The following MED25 variants were observed in gnomAD, a reference collection of about 807,000 sequenced individuals.
MED25 encodes mediator complex subunit 25.
A neutral mutation model predicts 89.4 loss-of-function variants in MED25; 62 were observed. That is an observed-to-expected ratio of 0.69 (90% CI 0.57 to 0.86). The LOEUF (loss-of-function observed/expected upper bound fraction) is 0.86. Among genes scored for constraint, MED25 ranks in the 40% least tolerant of loss-of-function variants. The pLI is 0.00. For missense variants in MED25, 905 were observed against 1,005.2 expected, an observed-to-expected ratio of 0.90 and a Z score of 1.35; for synonymous variants, 449 against 427.9, an observed-to-expected ratio of 1.05 and a Z score of -0.61.
Position 49,834,893 on chromosome 19 carries a change from C to G in MED25, c.1483-93C>G. 1.5e-6 allele frequency: 2 copies of G among 1,318,268 alleles called. No individual in the cohort carries two copies. Among genetic ancestry groups the G allele is most frequent in the South Asian group, 2.4e-5 (2 of 84,986 alleles). The allele number at this position is 1,318,268 out of a possible 1,614,324, so 81.7% of individuals were successfully genotyped here. On this transcript the variant is annotated intron_variant, in intron 13 of 17. Transcript: ENST00000312865. This position sits in a 1 kb window ranked among gnomAD's most constrained non-coding sequence, Gnocchi z 4.1. ...TAGCAGAAACCTCACCTCACCTTGC[C>G]TGTGGGGCCTCTAGAGCCTTCTGGA...
chr19:49,818,922 C>T, intron 2 of MED25: 1 of 540,208 alleles, frequency 1.9e-6, no homozygotes, highest in Non-Finnish European at 3.3e-6. Flanking sequence ...GAGCTGAGGC[C>T]TGGATTCCTG....
intron 3 of MED25, among the ~76,000 whole-genome samples, chr19:49,823,276 T>C (rs1258513592): frequency 6.6e-6 from 1 of 152,218 alleles, no homozygotes; most frequent in Admixed American, 6.5e-5. Flanking sequence ...TCTGCCATAC[T>C]GCATTTGGTG....
In MED25 at chr19:49,834,887, C is replaced by A; in HGVS notation, c.1483-99C>A. ...CTTCTATAGCAGAAACCTCACCTCA[C>A]CTTGCCTGTGGGGCCTCTAGAGCCT... On this transcript the variant is annotated intron_variant, in intron 13 of 17. Coordinates refer to ENST00000312865, the MANE Select transcript of MED25 (RefSeq NM_030973.4). The surrounding 1 kb of genome is among the most constrained non-coding windows in gnomAD (Gnocchi z 4.1). 1 of 1,263,906 alleles carries A rather than the reference C, an allele frequency of 7.9e-7. No individual in the cohort carries two copies. The highest frequency in any genetic ancestry group is 1.2e-6 in the Non-Finnish European group (1 of 869,446). The allele number at this position is 1,263,906 out of a possible 1,614,324, so 78.3% of individuals were successfully genotyped here.
At chr19:49,819,712 G>A (rs915745705) in intron 3 of MED25, 1 of 337,596 alleles carries the variant, frequency 3.0e-6, no homozygotes, top group African/African-American at 2.2e-5. Context: ...TCCCCTTTCT[G>A]TCCTCTCTTT....
chr19:49,838,373 G>A (rs746528229), downstream of MED25: 66 of 356,094 alleles, frequency 1.9e-4, no homozygotes, highest in South Asian at 3.0e-4. Context: ...CCCTGGGCCC[G>A]CCCTTCTGCC....
Position 49,818,392 on chromosome 19 carries a change from C to T in MED25, c.51C>T (p.Asp17=). ...CCCGCGCCGGGAGCGTGGTGGCCGA[C>T]GTGGTGTTTGTGATTGAGGGTACGG... ...GPARAGSVVA[D]VVFVIEGTAN... Residue 17 remains aspartate (D), a synonymous_variant, in exon 1 of 18, where the codon GAC becomes GAT. Transcript: ENST00000312865. 6.2e-7 allele frequency: 1 copy of T among 1,613,384 alleles called. No individual in the cohort carries two copies. The highest frequency in any genetic ancestry group is 8.5e-7 in the Non-Finnish European group (1 of 1,179,746).
intron 3 of MED25, among the ~76,000 whole-genome samples, chr19:49,822,122 G>A (rs1001571875): frequency 1.3e-5 from 2 of 151,452 alleles, no homozygotes; most frequent in Non-Finnish European, 2.9e-5. Context: ...ATTTAACCGG[G>A]CGCGGTGGCA....
At chr19:49,833,061 TAG>T (rs1157214185) in intron 13 of MED25, 1 of 156,066 alleles carries the variant, frequency 6.4e-6, no homozygotes, top group Non-Finnish European at 1.4e-5. Context: ...TCTTTCCAGA[TAG>T]AGTCACCTTC....
intron 3 of MED25, among the ~76,000 whole-genome samples, chr19:49,827,944 T>C (rs1197670108): frequency 1.3e-5 from 2 of 152,002 alleles, no homozygotes; most frequent in Non-Finnish European, 1.5e-5. Context: ...AGACAACAAA[T>C]GTCGGCCGGG....
At chr19:49,838,644 C>T (rs1425445547), downstream of MED25, 1 of 457,160 alleles carries the variant, frequency 2.2e-6, no homozygotes, top group Non-Finnish European at 4.4e-6. Flanking sequence ...GAGCCTATTT[C>T]TTTGTGGAAG....
rs1600330526 is a variant in MED25, at chr19:49,835,234, A to G, written c.1674+57A>G. The G allele has an allele frequency of 1.3e-6, 2 of 1,579,478 alleles. No individual in the cohort carries two copies. Among genetic ancestry groups the G allele is most frequent in the South Asian group, 1.1e-5 (1 of 90,350 alleles). On this transcript the variant is annotated intron_variant, in intron 14 of 17. Transcript: ENST00000312865. This position sits in a 1 kb window ranked among gnomAD's most constrained non-coding sequence, Gnocchi z 6.2. ...CGACCCCCTCCTGCCCGGGCCCCAC[A>G]TGGCCCCCTGGGGTCTCCAGGACCA...
At position 49,836,660 on chromosome 19, in the gene MED25, G is replaced by A; in HGVS notation, c.2147-187G>A. 1.4e-6 allele frequency: 1 copy of A among 737,434 alleles called. No individual in the cohort carries two copies. The allele number at this position is 737,434 out of a possible 1,614,324, so 45.7% of individuals were successfully genotyped here. ...GATTGCTGGGAAATGTGGTCTTAGG[G>A]CCAGAGAAGTAGTTTTGGAGAAGGG... is the stretch of plus-strand genomic sequence containing the variant. On this transcript the variant is annotated intron_variant, in intron 17 of 17. Coordinates refer to ENST00000312865, the MANE Select transcript of MED25 (RefSeq NM_030973.4). The surrounding 1 kb of genome is among the most constrained non-coding windows in gnomAD (Gnocchi z 5.1).
At position 49,831,011 on chromosome 19, in the gene MED25, C is replaced by T. The variant is rs1233865038; in HGVS notation, c.1101+124C>T. The T allele has an allele frequency of 5.4e-6, 6 of 1,113,712 alleles. No homozygotes were observed. The highest frequency in any genetic ancestry group is 2.5e-5 in the South Asian group (2 of 79,246). The allele number at this position is 1,113,712 out of a possible 1,614,324, so 69.0% of individuals were successfully genotyped here. A position where few individuals can be genotyped will look rare whatever the true frequency, so the allele number is the denominator to read the frequency against. On this transcript the variant is annotated intron_variant, in intron 9 of 17. Coordinates refer to ENST00000312865, the MANE Select transcript of MED25 (RefSeq NM_030973.4). This position sits in a 1 kb window ranked among gnomAD's most constrained non-coding sequence, Gnocchi z 5.0. ...TCTCGTGGTTCTGGGGCTTTGGGGG[C>T]TCGTGGTGTGTGTGCTGCAGATGCC...
At position 49,828,485 on chromosome 19, in the gene MED25, C is replaced by T. The variant is rs367931150; in HGVS notation, c.342C>T (p.Ile114=). 69 of 1,613,974 alleles carry T rather than the reference C, an allele frequency of 4.3e-5. No homozygotes were observed. The highest frequency in any genetic ancestry group is 4.1e-4 in the South Asian group (37 of 91,088). ...GGGGTGGTGAGAGCTGCAGCCTCAT[C>T]GCGGAAGGACTCAGCACAGCCTTGC... ...MGGGGESCSL[I]AEGLSTALQL... The change falls in exon 4 of 18, where the codon ATC becomes ATT. Residue 114 remains isoleucine, a synonymous_variant. Transcript: ENST00000312865.
rs1449698509 is a variant in MED25, at chr19:49,829,676, G to A, written c.526-110G>A. 6 of 1,196,180 alleles carry A rather than the reference G, an allele frequency of 5.0e-6. No homozygotes were observed. Among genetic ancestry groups the A allele is most frequent in the Non-Finnish European group, 4.7e-6 (4 of 842,988 alleles). 74.1% of individuals were successfully genotyped at this position (1,196,180 alleles called of 1,614,324 possible). A position where few individuals can be genotyped will look rare whatever the true frequency, so the allele number is the denominator to read the frequency against. On this transcript the variant is annotated intron_variant, in intron 5 of 17. Transcript: ENST00000312865. This position sits in a 1 kb window ranked among gnomAD's most constrained non-coding sequence, Gnocchi z 4.6. Reference sequence around the variant, plus strand: ...GCCTCAAAGCCCAATGGGAATTGTGGTTGTAGGGCTGGTGCCGTCCAGCCA... The same window carrying A: ...GCCTCAAAGCCCAATGGGAATTGTGATTGTAGGGCTGGTGCCGTCCAGCCA...
chr19:49,831,914 C>T lies in MED25; in HGVS notation c.1231-22C>T. 6.2e-7 allele frequency: 1 copy of T among 1,609,798 alleles called. No individual in the cohort carries two copies. Among genetic ancestry groups the T allele is most frequent in the South Asian group, 1.1e-5 (1 of 91,004 alleles). ...TGAGGCTTATGGCCCTTTTTACTGA[C>T]ATGCTCTTTTTTCCCCCTCAGAAAC... On this transcript the variant is annotated intron_variant, in intron 10 of 17. Coordinates refer to ENST00000312865, the MANE Select transcript of MED25 (RefSeq NM_030973.4). The surrounding 1 kb of genome is among the most constrained non-coding windows in gnomAD (Gnocchi z 5.0).
rs750031901 is a variant in MED25 at position 49,832,013 on chromosome 19, C to T, written c.1308C>T (p.Gly436=). Residue 436 remains glycine, a synonymous_variant, in exon 11 of 18, where the codon GGC becomes GGT. Coordinates refer to ENST00000312865, the MANE Select transcript of MED25 (RefSeq NM_030973.4). ...SLPCQVYVNH[G]ENLKTEQWPQ... is the part of the protein sequence containing the mutation. Reference sequence around the variant, plus strand: ...CCTGCCAGGTCTACGTGAATCATGGCGAGAACCTGTAGGTGACAGTCAGGG... The same window carrying T: ...CCTGCCAGGTCTACGTGAATCATGGTGAGAACCTGTAGGTGACAGTCAGGG... 9 of 1,613,834 alleles carry T rather than the reference C, an allele frequency of 5.6e-6. No homozygotes were observed. Among genetic ancestry groups the T allele is most frequent in the South Asian group, 1.1e-5 (1 of 91,080 alleles).
chr19:49,835,854 C>G lies in MED25; in HGVS notation c.1874C>G (p.Ala625Gly). Residue 625 changes from alanine (A) to glycine (G), a missense_variant, in exon 16 of 18, where the codon GCT becomes GGT. By Grantham distance (60) the Ala-to-Gly change is moderately conservative. Transcript: ENST00000312865. This position sits in a 1 kb window ranked among gnomAD's most constrained non-coding sequence, Gnocchi z 6.2. ...PGAPQGPPGA[A>G]SGPPPPGPIL... is the part of the protein sequence containing the mutation. ...GCCCCTCAAGGCCCTCCTGGAGCAG[C>G]TTCTGGCCCACCCCCTCCTGGACCC... 6.2e-7 allele frequency: 1 copy of G among 1,612,628 alleles called. No homozygotes were observed. Among genetic ancestry groups the G allele is most frequent in the South Asian group, 1.1e-5 (1 of 91,076 alleles).
At chr19:49,828,628 T>C in intron 4 of MED25, 81 bp downstream of exon 4, 1 of 1,180,328 alleles carries the variant, frequency 8.5e-7, no homozygotes, top group Non-Finnish European at 1.3e-6. Flanking sequence ...TGGTTCTACC[T>C]CCAGCCTCAC....
Sources: gnomAD v4.1 joint callset for allele counts (sites outside exome capture counted in the v4.1 genomes callset) on GRCh38, gnomAD v4.1.1 for gene constraint, Gnocchi (gnomAD v3.1) non-coding constraint, MANE v1.5 for transcripts, NCBI Gene and HGNC (gene_info 2026-07-23, HGNC 2026-07-21) for gene names.